Variants in DEPDC1B observed in about 807,000 individuals in gnomAD.
The protein encoded by DEPDC1B is DEP domain-containing protein 1B.
A neutral mutation model predicts 66.5 loss-of-function variants in DEPDC1B; 51 were observed. The observed-to-expected ratio is 0.77, with a 90% CI of 0.61 to 0.97. The LOEUF (loss-of-function observed/expected upper bound fraction) is 0.97, where lower values mean the gene tolerates loss of function less well. DEPDC1B is among the 50% of genes least tolerant of loss of function. DEPDC1B has a pLI of 0.00. For missense variants in DEPDC1B, 552 were observed against 637.1 expected (o/e 0.87, Z 1.44); for synonymous variants, 226 against 223.6 (o/e 1.01, Z -0.10).
At chr5:60,647,194 C>G (rs531347505) in intron 3 of DEPDC1B, among the ~76,000 whole-genome samples, 5 of 151,310 alleles carry the variant, frequency 3.3e-5, no homozygotes, top group Non-Finnish European at 7.4e-5. Flanking sequence ...CAATACAGTA[C>G]AACAACTATT....
intron 8 of DEPDC1B, among the ~76,000 whole-genome samples, 178 bp from the exon 9 acceptor site, chr5:60,603,745 G>A (rs1020886907): frequency 3.3e-5 from 5 of 151,792 alleles, no homozygotes; most frequent in African/African-American, 9.7e-5. Flanking sequence ...CAAACAAAAT[G>A]TGCATCTTCC....
intron 2 of DEPDC1B, among the ~76,000 whole-genome samples, chr5:60,685,626 C>T (rs989243417): frequency 1.3e-5 from 2 of 152,030 alleles, no homozygotes; most frequent in African/African-American, 4.8e-5. Context: ...TCCTGGGACT[C>T]GATGGGAGGT....
intron 2 of DEPDC1B, among the ~76,000 whole-genome samples, chr5:60,650,506 T>G (rs1180766906): frequency 6.6e-6 from 1 of 152,198 alleles, no homozygotes; most frequent in Non-Finnish European, 1.5e-5. Context: ...ACACACCTGT[T>G]GTGACAACAA....
intron 1 of DEPDC1B, chr5:60,687,689 C>T (rs1251126593): frequency 6.2e-6 from 1 of 162,496 alleles, no homozygotes; most frequent in Non-Finnish European, 1.4e-5. Flanking sequence ...CCATGCCCAG[C>T]TAATTTTTGT....
chr5:60,670,190 T>A (rs531599678), intron 2 of DEPDC1B, among the ~76,000 whole-genome samples: 2 of 152,204 alleles, frequency 1.3e-5, no homozygotes, highest in South Asian at 4.1e-4. Context: ...CAAGACCATC[T>A]TGGCTAACTC....
chr5:60,609,485 T>C (rs1752373479), intron 7 of DEPDC1B, among the ~76,000 whole-genome samples: 2 of 152,158 alleles, frequency 1.3e-5, no homozygotes, highest in South Asian at 4.1e-4. Context: ...TGGAAGCAAG[T>C]CTCTGCCGCA....
chr5:60,617,694 C>A (rs939879350), intron 7 of DEPDC1B, among the ~76,000 whole-genome samples: 3 of 152,160 alleles, frequency 2.0e-5, no homozygotes, highest in Non-Finnish European at 4.4e-5. Context: ...TAATGGGAGA[C>A]TTCAACACCC....
Position 60,603,430 on chromosome 5 carries a change from G to A in DEPDC1B, c.1203C>T (p.Thr401=). 3 of 1,611,026 alleles carry A rather than the reference G, an allele frequency of 1.9e-6. No individual in the cohort carries two copies. Among genetic ancestry groups the A allele is most frequent in the Non-Finnish European group, 2.5e-6 (3 of 1,178,816 alleles). The stretch of plus-strand genomic sequence containing the variant: ...GATGAGCCACACGCTCCTCTATAGA[G>A]GTCTGCAAGGCCAAAGGGACTTTCA... ...EILKVPLALQ[T]SIEERVAHLR... is the part of the protein sequence containing the mutation. The change falls in exon 9 of 11, where the codon ACC becomes ACT. Residue 401 remains threonine, a synonymous_variant. Transcript: ENST00000265036.
intron 9 of DEPDC1B, 49 bp from the exon 10 acceptor site, chr5:60,599,309 A>C: frequency 7.1e-7 from 1 of 1,399,106 alleles, no homozygotes. Context: ...TTTTCAAATA[A>C]ATTATAAGAA....
chr5:60,683,817 G>A (rs1754351511), intron 2 of DEPDC1B, among the ~76,000 whole-genome samples: 1 of 152,034 alleles, frequency 6.6e-6, no homozygotes, highest in Non-Finnish European at 1.5e-5. Context: ...AGGAAGTCAA[G>A]TACTCCCTTT....
intron 5 of DEPDC1B, among the ~76,000 whole-genome samples, chr5:60,644,488 C>T (rs1000474357): frequency 2.0e-5 from 3 of 152,144 alleles, no homozygotes; most frequent in Non-Finnish European, 2.9e-5. Flanking sequence ...CCTGGGAATA[C>T]GAAACCACTT....
intron 9 of DEPDC1B, among the ~76,000 whole-genome samples, chr5:60,602,649 C>G (rs1752223493): frequency 6.6e-6 from 1 of 152,082 alleles, no homozygotes; most frequent in Non-Finnish European, 1.5e-5. Context: ...TTTATATAAC[C>G]ACCATGACAA....
At chr5:60,656,889 C>T (rs1753590608) in intron 2 of DEPDC1B, among the ~76,000 whole-genome samples, 1 of 152,144 alleles carries the variant, frequency 6.6e-6, no homozygotes, top group Admixed American at 6.5e-5. Context: ...CAGAGCCAAA[C>T]CATGTCACCC....
chr5:60,691,113 G>A (rs1197014508), intron 1 of DEPDC1B, among the ~76,000 whole-genome samples: 1 of 151,200 alleles, frequency 6.6e-6, no homozygotes, highest in Non-Finnish European at 1.5e-5. Context: ...GAGTGCAATG[G>A]CATGATCTCA....
At chr5:60,692,470 A>G (rs1394068913) in intron 1 of DEPDC1B, among the ~76,000 whole-genome samples, 3 of 152,200 alleles carry the variant, frequency 2.0e-5, no homozygotes, top group Non-Finnish European at 4.4e-5. Flanking sequence ...ACAACTTACA[A>G]AACTAAAATT....
Position 60,599,052 on chromosome 5 carries a change from G to A in DEPDC1B, c.1428+23C>T, listed in dbSNP as rs559698993. The A allele has an allele frequency of 1.1e-3, 1,752 of 1,542,334 alleles. 36 individuals carry two copies. In the South Asian group the frequency reaches 0.021, roughly 18 times the overall value. ...AAAACAGTAGGGAGGAGAAAAAATG[G>A]CTTATAAAGAATATCCTTTTACCTG... is the stretch of plus-strand genomic sequence containing the variant. On this transcript the variant is annotated intron_variant, in intron 10 of 10. Transcript: ENST00000265036.
chr5:60,647,318 C>T, intron 3 of DEPDC1B, 80 bp downstream of exon 3: 2 of 1,488,042 alleles, frequency 1.3e-6, no homozygotes, highest in Non-Finnish European at 1.8e-6. Flanking sequence ...TCATAAAGGA[C>T]CACAGAAAGA....
chr5:60,687,105 C>T lies in DEPDC1B; in HGVS notation c.171G>A (p.Leu57=). Residue 57 remains leucine (L), a synonymous_variant, in exon 2 of 11, where the codon CTG becomes CTA. Transcript: ENST00000265036. ...CAGGGCCGAAGTTTTGACTGCACCT[C>T]AGCAGCTCATGCAGCCAATCCACAG... is the stretch of plus-strand genomic sequence containing the variant. ...AEAVDWLHEL[L]RCSQNFGPEV... 6.2e-7 allele frequency: 1 copy of T among 1,614,196 alleles called. No individual in the cohort carries two copies.
At chr5:60,624,014 A>AAAG (rs1752761567) in intron 7 of DEPDC1B, among the ~76,000 whole-genome samples, 1 of 152,166 alleles carries the variant, frequency 6.6e-6, no homozygotes, top group Non-Finnish European at 1.5e-5. Flanking sequence ...TTAAGGCATG[A>AAAG]AAGCACTGCT....
Sources: gnomAD v4.1 joint callset for allele counts (sites outside exome capture counted in the v4.1 genomes callset) on GRCh38, gnomAD v4.1.1 for gene constraint, MANE v1.5 for transcripts, NCBI Gene and HGNC (gene_info 2026-07-23, HGNC 2026-07-21) for gene names.